The following DTNBP1 variants were observed in gnomAD, a reference collection of about 807,000 sequenced individuals.
The protein encoded by DTNBP1 is dystrobrevin binding protein 1, also known as dysbindin.
DTNBP1 carries 35 observed loss-of-function variants against 42.8 expected under a neutral mutation model. The ratio of observed to expected loss-of-function variants is 0.82; its 90% CI spans 0.63 to 1.09. The LOEUF is 1.09. Ranked by LOEUF, DTNBP1 falls within the 50% of genes least tolerant of loss-of-function variation. The pLI is 0.00. For synonymous variants in DTNBP1, 171 were observed against 162.2 expected (o/e 1.05, Z -0.41); for missense variants, 457 against 424.2 (o/e 1.08, Z -0.68).
intron 3 of DTNBP1, among the ~76,000 whole-genome samples, chr6:15,642,407 C>A (rs1016971451): frequency 6.6e-6 from 1 of 152,206 alleles, no homozygotes; most frequent in Non-Finnish European, 1.5e-5. Flanking sequence ...CCTCAGCACA[C>A]CCCACAGGAT....
chr6:15,643,622 G>A (rs1309029966), intron 3 of DTNBP1, among the ~76,000 whole-genome samples: 1 of 152,104 alleles, frequency 6.6e-6, no homozygotes, highest in Non-Finnish European at 1.5e-5. Context: ...AGAAGAGACT[G>A]GGGGCCTATT....
At chr6:15,540,943 TA>T (rs1561946060) in intron 7 of DTNBP1, among the ~76,000 whole-genome samples, 1 of 152,156 alleles carries the variant, frequency 6.6e-6, no homozygotes, top group Admixed American at 6.5e-5. Context: ...TGCCTGGCCT[TA>T]AAATGACTTA....
chr6:15,542,407 C>A (rs1298285127), intron 7 of DTNBP1, among the ~76,000 whole-genome samples: 2 of 152,122 alleles, frequency 1.3e-5, no homozygotes, highest in African/African-American at 4.8e-5. Flanking sequence ...GAATCTCACT[C>A]TGTCACCAGG....
chr6:15,603,724 T>C (rs1014530689), intron 6 of DTNBP1, among the ~76,000 whole-genome samples: 1 of 152,250 alleles, frequency 6.6e-6, no homozygotes, highest in African/African-American at 2.4e-5. Flanking sequence ...TTCAGCAGTA[T>C]TCAGACAAAA....
intron 7 of DTNBP1, among the ~76,000 whole-genome samples, chr6:15,563,470 A>G (rs142885305): frequency 6.6e-6 from 1 of 152,368 alleles, no homozygotes; most frequent in East Asian, 1.9e-4. Flanking sequence ...CTGCATCTTA[A>G]GCCACTTCCT....
intron 7 of DTNBP1, among the ~76,000 whole-genome samples, chr6:15,581,079 G>T (rs751018743): frequency 6.6e-6 from 1 of 152,266 alleles, no homozygotes; most frequent in East Asian, 1.9e-4. Context: ...GCTCATAAAC[G>T]GACTCTACAT....
chr6:15,565,013 G>A (rs952686464), intron 7 of DTNBP1, among the ~76,000 whole-genome samples: 6 of 152,164 alleles, frequency 3.9e-5, no homozygotes, highest in Admixed American at 1.3e-4. Context: ...GGCTGAGGTC[G>A]GGGGATCACT....
At chr6:15,591,726 G>A (rs1228815810) in intron 7 of DTNBP1, among the ~76,000 whole-genome samples, 1 of 152,102 alleles carries the variant, frequency 6.6e-6, no homozygotes, top group Admixed American at 6.5e-5. Context: ...GCACTGAGAT[G>A]CAAGTAAAAC....
intron 1 of DTNBP1, among the ~76,000 whole-genome samples, chr6:15,661,760 G>A (rs1205009413): frequency 6.6e-6 from 1 of 152,178 alleles, no homozygotes; most frequent in Admixed American, 6.5e-5. Context: ...CCTTTTCAAA[G>A]ACAGATCTTT....
chr6:15,543,620 A>G (rs977041625), intron 7 of DTNBP1, among the ~76,000 whole-genome samples: 5 of 152,210 alleles, frequency 3.3e-5, no homozygotes, highest in Admixed American at 1.3e-4. Flanking sequence ...CAAAGAACCA[A>G]TATGTCAGTA....
chr6:15,628,148 C>CA (rs1215412661), intron 4 of DTNBP1, among the ~76,000 whole-genome samples: 1 of 152,076 alleles, frequency 6.6e-6, no homozygotes, highest in African/African-American at 2.4e-5. Context: ...AAGAAAATGA[C>CA]AGACATTAGT....
Position 15,523,218 on chromosome 6 carries a change from C to A in DTNBP1, c.813G>T (p.Gly271=). 6.2e-7 allele frequency: 1 copy of A among 1,614,124 alleles called. No individual in the cohort carries two copies. The highest frequency in any genetic ancestry group is 8.5e-7 in the Non-Finnish European group (1 of 1,180,018). Residue 271 remains glycine, a splice_region_variant and synonymous_variant, in exon 10 of 10, where the codon GGG becomes GGT. Coordinates refer to ENST00000344537, the MANE Select transcript of DTNBP1 (RefSeq NM_032122.5). The part of the protein sequence containing the change: ...EENTVLSPAL[G]PESSTCQNEI... ...CATTCTGACAGGTACTGGATTCAGG[C>A]CCTGCAAAATAACGTAGGGAAGAAA...
intron 7 of DTNBP1, among the ~76,000 whole-genome samples, chr6:15,584,060 G>C (rs558163854): frequency 6.6e-6 from 1 of 151,880 alleles, no homozygotes; most frequent in Non-Finnish European, 1.5e-5. Flanking sequence ...TAACAAACAG[G>C]ATATAAATAT....
intron 7 of DTNBP1, among the ~76,000 whole-genome samples, chr6:15,537,243 CATGTATTT>C (rs1773290139): frequency 6.6e-6 from 1 of 151,240 alleles, no homozygotes; most frequent in African/African-American, 2.4e-5. Context: ...ACATGGTGGT[CATGTATTT>C]TTTGTAAAAA....
chr6:15,535,034 G>A (rs532955344), intron 7 of DTNBP1, among the ~76,000 whole-genome samples: 12 of 152,264 alleles, frequency 7.9e-5, no homozygotes, highest in African/African-American at 2.6e-4. Flanking sequence ...GTTTAGCTCT[G>A]TGTTCCCACC....
intron 7 of DTNBP1, among the ~76,000 whole-genome samples, chr6:15,544,522 C>T (rs1773763274): frequency 6.6e-6 from 1 of 152,216 alleles, no homozygotes; most frequent in South Asian, 2.1e-4. Context: ...TTTACATCCC[C>T]ATCATCACTG....
At chr6:15,523,259 A>AC in intron 9 of DTNBP1, 40 bp from the exon 10 acceptor site, 1 of 1,612,572 alleles carries the variant, frequency 6.2e-7, no homozygotes, top group Non-Finnish European at 8.5e-7. Context: ...CTGTCATAAA[A>AC]ATATTGTGAA....
chr6:15,636,721 A>G (rs1446508456), intron 4 of DTNBP1, among the ~76,000 whole-genome samples: 2 of 152,180 alleles, frequency 1.3e-5, no homozygotes, highest in Non-Finnish European at 2.9e-5. Context: ...CCCACAGACA[A>G]AGTCTCCTAT....
At chr6:15,632,424 T>G (rs1057438160) in intron 4 of DTNBP1, among the ~76,000 whole-genome samples, 1 of 152,230 alleles carries the variant, frequency 6.6e-6, no homozygotes, top group African/African-American at 2.4e-5. Flanking sequence ...TCAACTATTT[T>G]TATTCAACAT....
Sources: gnomAD v4.1 joint callset for allele counts (sites outside exome capture counted in the v4.1 genomes callset) on GRCh38, gnomAD v4.1.1 for gene constraint, MANE v1.5 for transcripts, NCBI Gene and HGNC (gene_info 2026-07-23, HGNC 2026-07-21) for gene names.